Variants in SND1 observed in about 807,000 individuals in gnomAD.
SND1 encodes the protein staphylococcal nuclease domain-containing protein 1.
Under a neutral mutation model 121.7 loss-of-function variants are expected in SND1, and 38 were observed. That is an observed-to-expected ratio of 0.31 (90% confidence interval 0.24 to 0.41). The LOEUF (loss-of-function observed/expected upper bound fraction) is 0.41. Among genes scored for constraint, SND1 ranks in the 10% least tolerant of loss-of-function variants. The pLI is 1.00. For synonymous variants in SND1, 401 were observed against 447.4 expected (o/e 0.90, Z 1.31); for missense variants, 868 against 1,184.6 (o/e 0.73, Z 3.92).
intron 10 of SND1, among the ~76,000 whole-genome samples, chr7:127,741,933 A>G (rs1465311207): frequency 6.6e-6 from 1 of 152,050 alleles, no homozygotes; most frequent in Admixed American, 6.6e-5. Context: ...ATTGTTCTCA[A>G]TTGTTCTCAA....
chr7:128,075,944 GA>G (rs1007531090), intron 17 of SND1, among the ~76,000 whole-genome samples: 30 of 152,378 alleles, frequency 2.0e-4, no homozygotes, highest in Admixed American at 7.8e-4. Flanking sequence ...GCTGCAGGGA[GA>G]GGGGGGGAGG....
intron 15 of SND1, among the ~76,000 whole-genome samples, chr7:127,985,500 C>T (rs1031416491): frequency 1.3e-5 from 2 of 152,204 alleles, no homozygotes; most frequent in African/African-American, 4.8e-5. Flanking sequence ...TCAAGTGATC[C>T]GCCTGCCTTG....
chr7:128,067,106 A>G (rs1793329646), intron 16 of SND1, among the ~76,000 whole-genome samples: 1 of 152,100 alleles, frequency 6.6e-6, no homozygotes, highest in South Asian at 2.1e-4. Context: ...ACAGTCTGTC[A>G]GCTTTGCTGC....
At chr7:127,967,442 A>C (rs889208229) in intron 15 of SND1, among the ~76,000 whole-genome samples, 1 of 152,224 alleles carries the variant, frequency 6.6e-6, no homozygotes, top group Non-Finnish European at 1.5e-5. Context: ...ACTTGTTGCC[A>C]TCCATGCTGT....
At chr7:128,032,763 C>G (rs551763759) in intron 16 of SND1, among the ~76,000 whole-genome samples, 1 of 152,166 alleles carries the variant, frequency 6.6e-6, no homozygotes, top group Non-Finnish European at 1.5e-5. Flanking sequence ...ACCGAGAGCC[C>G]GGGCTTCGCT....
chr7:127,737,260 C>T (rs1330887421), intron 10 of SND1, among the ~76,000 whole-genome samples: 2 of 152,170 alleles, frequency 1.3e-5, no homozygotes, highest in Admixed American at 1.3e-4. Context: ...TACTGTCAAC[C>T]TAGTCTTGTT....
At chr7:127,856,675 T>G (rs996968673) in intron 12 of SND1, among the ~76,000 whole-genome samples, 2 of 152,206 alleles carry the variant, frequency 1.3e-5, no homozygotes, top group Admixed American at 1.3e-4. Flanking sequence ...ACATATAAAC[T>G]GGGATTCAGC....
At chr7:127,769,604 A>G (rs1412406204) in intron 10 of SND1, among the ~76,000 whole-genome samples, 7 of 151,588 alleles carry the variant, frequency 4.6e-5, no homozygotes, top group Non-Finnish European at 1.0e-4. Context: ...TGTTTATTCC[A>G]TGTATCTTGT....
At chr7:128,063,524 T>G (rs78553930) in intron 16 of SND1, among the ~76,000 whole-genome samples, 6,699 of 152,338 alleles carry the variant, frequency 0.044, 217 homozygotes, top group Non-Finnish European at 0.062. Flanking sequence ...GTGCCATGCA[T>G]GTACCCAAAG....
intron 12 of SND1, among the ~76,000 whole-genome samples, chr7:127,861,673 G>A (rs548559683): frequency 2.0e-5 from 3 of 152,160 alleles, no homozygotes; most frequent in South Asian, 2.1e-4. Flanking sequence ...ACAGGGTTTC[G>A]CCATGTTGGC....
At chr7:127,972,624 C>T (rs529492819) in intron 15 of SND1, among the ~76,000 whole-genome samples, 8 of 151,836 alleles carry the variant, frequency 5.3e-5, no homozygotes, top group Non-Finnish European at 1.5e-5. Context: ...CAGAGTCTTG[C>T]TCTGTCACCC....
intron 14 of SND1, among the ~76,000 whole-genome samples, chr7:127,924,363 G>C (rs1255715592): frequency 6.6e-6 from 1 of 152,092 alleles, no homozygotes; most frequent in African/African-American, 2.4e-5. Context: ...ATTTCCATTT[G>C]AGTCTTGCAT....
intron 10 of SND1, among the ~76,000 whole-genome samples, chr7:127,776,782 T>C (rs1193920580): frequency 6.6e-6 from 1 of 152,192 alleles, no homozygotes; most frequent in Non-Finnish European, 1.5e-5. Context: ...TTCAAAGCCC[T>C]TATGTAAATG....
At position 128,052,385 on chromosome 7, in the gene SND1, C is replaced by T. The variant is rs1285262325; in HGVS notation, c.1780-22117C>T. On this transcript the variant is annotated intron_variant, in intron 16 of 23. Coordinates refer to ENST00000354725, the MANE Select transcript of SND1 (RefSeq NM_014390.4). This position sits in a 1 kb window ranked among gnomAD's most constrained non-coding sequence, Gnocchi z 4.6. ...TCAAGGTTGGATCTGTCTCTCCTCC[C>T]GTTTGTGACTCCACTTCATTGCCAC... 2.0e-5 allele frequency among the ~76,000 whole-genome samples: 3 copies of T among 152,170 alleles called. No individual in the cohort carries two copies. Among genetic ancestry groups the T allele is most frequent in the African/African-American group, 4.8e-5 (2 of 41,426 alleles).
chr7:127,674,431 A>G (rs1247901598), intron 1 of SND1, among the ~76,000 whole-genome samples: 3 of 152,232 alleles, frequency 2.0e-5, no homozygotes, highest in Non-Finnish European at 4.4e-5. Flanking sequence ...CTCCTCTGAG[A>G]AACCTAGCTC....
rs2058946 is a variant in SND1 at position 128,058,730 on chromosome 7, C to T, written c.1780-15772C>T. 3.7e-3 allele frequency among the ~76,000 whole-genome samples: 557 copies of T among 152,310 alleles called. 1 individual carries two copies. The highest frequency in any genetic ancestry group is 6.6e-3 in the Non-Finnish European group (448 of 68,032). ...ATTCTGACTCTAGTTCAGCGTGGTC[C>T]ATTCACAAGCTTCCACATGCATCAT... is the stretch of plus-strand genomic sequence containing the variant. On this transcript the variant is annotated intron_variant, in intron 16 of 23. Transcript: ENST00000354725.
chr7:127,664,352 T>C (rs1186687397), intron 1 of SND1, among the ~76,000 whole-genome samples: 1 of 152,234 alleles, frequency 6.6e-6, no homozygotes, highest in East Asian at 1.9e-4. Context: ...GCCTGGTTAC[T>C]AGAGATCGAG....
At chr7:127,684,994 A>G (rs922060735) in intron 1 of SND1, among the ~76,000 whole-genome samples, 1 of 152,138 alleles carries the variant, frequency 6.6e-6, no homozygotes, top group African/African-American at 2.4e-5. Context: ...ATGAATTGTG[A>G]TATATTCGTA....
rs1278547462 is a variant in SND1 at position 128,015,799 on chromosome 7, A to G, written c.1779+24743A>G. Among the ~76,000 whole-genome samples, 2 of 152,130 alleles carry G rather than the reference A, an allele frequency of 1.3e-5. No homozygotes were observed. The highest frequency in any genetic ancestry group is 2.9e-5 in the Non-Finnish European group (2 of 68,022). On this transcript the variant is annotated intron_variant, in intron 16 of 23. Transcript: ENST00000354725. This position sits in a 1 kb window ranked among gnomAD's most constrained non-coding sequence, Gnocchi z 4.5. ...AGCAGAAATTTGGAGCTGTACAGGA[A>G]TCAGATGTCCCACCTAGCAGGCTCT...
Sources: gnomAD v4.1 joint callset for allele counts (sites outside exome capture counted in the v4.1 genomes callset) on GRCh38, gnomAD v4.1.1 for gene constraint, Gnocchi (gnomAD v3.1) non-coding constraint, MANE v1.5 for transcripts, NCBI Gene and HGNC (gene_info 2026-07-23, HGNC 2026-07-21) for gene names.